DOK6: variants seen among roughly 807,000 people sequenced by gnomAD.
The protein encoded by DOK6 is downstream of tyrosine kinase 6.
In DOK6, 22 loss-of-function variants were observed where a neutral mutation model predicts 44.0. That is an observed-to-expected ratio of 0.50 (90% CI 0.36 to 0.71). The LOEUF (loss-of-function observed/expected upper bound fraction) is 0.71. Among genes scored for constraint, DOK6 ranks in the 30% least tolerant of loss-of-function variants. The pLI, the probability that DOK6 is intolerant of heterozygous loss-of-function variation, is 0.00. For missense variants in DOK6, 340 were observed against 416.4 expected, an observed-to-expected ratio of 0.82 and a Z score of 1.60; for synonymous variants, 166 against 145.5, an observed-to-expected ratio of 1.14 and a Z score of -1.01.
chr18:69,495,704 AG>A (rs1432045195), intron 1 of DOK6, among the ~76,000 whole-genome samples: 1 of 152,144 alleles, frequency 6.6e-6, no homozygotes, highest in African/African-American at 2.4e-5. Context: ...CGTTCTGCCC[AG>A]GTACCTGTCT....
chr18:69,422,117 G>A (rs555315105), intron 1 of DOK6, among the ~76,000 whole-genome samples: 1 of 152,232 alleles, frequency 6.6e-6, no homozygotes, highest in East Asian at 1.9e-4. Flanking sequence ...CCATCTGTCT[G>A]GAAGGCCAGG....
At chr18:69,618,125 C>T (rs1984355584) in intron 3 of DOK6, among the ~76,000 whole-genome samples, 1 of 152,134 alleles carries the variant, frequency 6.6e-6, no homozygotes, top group African/African-American at 2.4e-5. Context: ...AGGAGAGAGG[C>T]ATGGGAAAGA....
At chr18:69,600,776 A>G (rs1983853590) in intron 3 of DOK6, among the ~76,000 whole-genome samples, 1 of 152,244 alleles carries the variant, frequency 6.6e-6, no homozygotes, top group Admixed American at 6.5e-5. Context: ...TGTATAGGAA[A>G]TACTGGAGCC....
chr18:69,690,533 C>T (rs1218798207), intron 4 of DOK6, among the ~76,000 whole-genome samples: 1 of 152,080 alleles, frequency 6.6e-6, no homozygotes, highest in Non-Finnish European at 1.5e-5. Flanking sequence ...CAATAATCGT[C>T]TATTATAGAA....
chr18:69,797,731 G>T (rs568221432), intron 7 of DOK6, among the ~76,000 whole-genome samples: 76 of 151,928 alleles, frequency 5.0e-4, no homozygotes, highest in Admixed American at 1.2e-3. Context: ...AGAGCTCTTA[G>T]GTTGTAATAT....
chr18:69,401,334 C>T (rs375656195), intron 1 of DOK6, 24 bp downstream of exon 1: 2 of 1,492,608 alleles, frequency 1.3e-6, no homozygotes, highest in Non-Finnish European at 1.8e-6. Context: ...TCGGCTTGCT[C>T]CTTCCCCGGC....
intron 3 of DOK6, among the ~76,000 whole-genome samples, chr18:69,623,724 T>G (rs1196883942): frequency 6.6e-6 from 1 of 152,190 alleles, no homozygotes; most frequent in Non-Finnish European, 1.5e-5. Context: ...TTGAACTCAT[T>G]TGAATCTCAT....
intron 1 of DOK6, among the ~76,000 whole-genome samples, chr18:69,529,438 T>G (rs940962454): frequency 6.6e-6 from 1 of 152,226 alleles, no homozygotes; most frequent in African/African-American, 2.4e-5. Flanking sequence ...GGTTTTCCTG[T>G]CTGCAACCTC....
intron 7 of DOK6, among the ~76,000 whole-genome samples, chr18:69,787,411 C>T (rs1338282527): frequency 6.6e-6 from 1 of 152,096 alleles, no homozygotes; most frequent in Admixed American, 6.6e-5. Context: ...GGTGGCATGT[C>T]CATTCAGATT....
chr18:69,430,221 C>T (rs1430566418), intron 1 of DOK6, among the ~76,000 whole-genome samples: 1 of 152,154 alleles, frequency 6.6e-6, no homozygotes, highest in Non-Finnish European at 1.5e-5. Context: ...TCAAAACTGT[C>T]ATCTTTTTAA....
At chr18:69,511,444 G>A (rs8087067) in intron 1 of DOK6, among the ~76,000 whole-genome samples, 48,316 of 151,876 alleles carry the variant, frequency 0.32, 8,059 homozygotes, top group Non-Finnish European at 0.36. Context: ...TGAAGGACTC[G>A]TAAAACAAGG....
chr18:69,671,693 ACT>A, intron 3 of DOK6, among the ~76,000 whole-genome samples: 1 of 152,296 alleles, frequency 6.6e-6, no homozygotes, highest in Non-Finnish European at 1.5e-5. Context: ...AGACTTATAA[ACT>A]CTACTTAAAT....
At chr18:69,625,103 C>T (rs1984528094) in intron 3 of DOK6, among the ~76,000 whole-genome samples, 1 of 152,080 alleles carries the variant, frequency 6.6e-6, no homozygotes, top group South Asian at 2.1e-4. Flanking sequence ...CTGGCATCTT[C>T]CGTGTCCTTA....
chr18:69,727,839 C>T (rs924771800), intron 5 of DOK6, among the ~76,000 whole-genome samples: 1 of 152,190 alleles, frequency 6.6e-6, no homozygotes, highest in Non-Finnish European at 1.5e-5. Flanking sequence ...ATAATTATAG[C>T]TTGCCATTTC....
At chr18:69,623,165 G>A (rs1333057387) in intron 3 of DOK6, among the ~76,000 whole-genome samples, 1 of 152,112 alleles carries the variant, frequency 6.6e-6, no homozygotes, top group African/African-American at 2.4e-5. Context: ...CTGGCCATCT[G>A]AATATATGCC....
chr18:69,574,744 G>A (rs747791117), intron 2 of DOK6, among the ~76,000 whole-genome samples: 3 of 152,044 alleles, frequency 2.0e-5, no homozygotes, highest in Middle Eastern at 3.2e-3. Flanking sequence ...AGGCAATAGC[G>A]AAGTTGTGAA....
At chr18:69,712,508 A>G (rs1435115370) in intron 5 of DOK6, among the ~76,000 whole-genome samples, 3 of 152,112 alleles carry the variant, frequency 2.0e-5, no homozygotes, top group East Asian at 3.9e-4. Context: ...ATAAATGTAT[A>G]TAATCCACCA....
At chr18:69,796,409 T>C (rs1259382120) in intron 7 of DOK6, among the ~76,000 whole-genome samples, 1 of 152,174 alleles carries the variant, frequency 6.6e-6, no homozygotes, top group Non-Finnish European at 1.5e-5. Context: ...ATAAGCCTAA[T>C]ACATGCTGGC....
At chr18:69,744,114 C>A (rs1978896230) in intron 6 of DOK6, among the ~76,000 whole-genome samples, 2 of 152,076 alleles carry the variant, frequency 1.3e-5, no homozygotes, top group Non-Finnish European at 2.9e-5. Context: ...AGTTCAAGAC[C>A]AGCCTGGCCA....
Sources: gnomAD v4.1 joint callset for allele counts (sites outside exome capture counted in the v4.1 genomes callset) on GRCh38, gnomAD v4.1.1 for gene constraint, MANE v1.5 for transcripts, NCBI Gene and HGNC (gene_info 2026-07-23, HGNC 2026-07-21) for gene names.